Variants in RIMS1 observed in about 807,000 individuals in gnomAD.
RIMS1 encodes the protein regulating synaptic membrane exocytosis 1.
In RIMS1, 83 loss-of-function variants were observed where a neutral mutation model predicts 214.1. That is an observed-to-expected ratio of 0.39 (90% CI 0.32 to 0.47). The LOEUF (loss-of-function observed/expected upper bound fraction) is 0.47. Ranked by LOEUF, RIMS1 falls within the 20% of genes least tolerant of loss-of-function variation. The probability of loss-of-function intolerance (pLI) is 0.99; values close to 1 mark genes in which losing one functional copy is unlikely to be tolerated. For missense variants in RIMS1, 2,050 were observed against 2,161.8 expected, an observed-to-expected ratio of 0.95 and a Z score of 1.03; for synonymous variants, 793 against 786.8, an observed-to-expected ratio of 1.01 and a Z score of -0.13.
intron 23 of RIMS1, among the ~76,000 whole-genome samples, chr6:72,283,350 A>G (rs949121917): frequency 3.9e-5 from 6 of 152,154 alleles, no homozygotes; most frequent in African/African-American, 1.4e-4. Context: ...TCTGTGGGAA[A>G]AATGCATTTC....
chr6:72,093,232 A>AT (rs202036845), intron 2 of RIMS1, among the ~76,000 whole-genome samples: 2 of 136,440 alleles, frequency 1.5e-5, no homozygotes. Flanking sequence ...ATATATAAAA[A>AT]CATGTGTGTA....
At chr6:71,926,767 A>G (rs1430619369) in intron 1 of RIMS1, among the ~76,000 whole-genome samples, 1 of 152,234 alleles carries the variant, frequency 6.6e-6, no homozygotes, top group Non-Finnish European at 1.5e-5. Context: ...TGTATTAGTC[A>G]TGATGTGAAT....
At chr6:71,922,462 C>T (rs1016491561) in intron 1 of RIMS1, among the ~76,000 whole-genome samples, 1 of 152,118 alleles carries the variant, frequency 6.6e-6, no homozygotes, top group African/African-American at 2.4e-5. Flanking sequence ...ATCGATTGAG[C>T]CTTGGAGGTT....
intron 1 of RIMS1, among the ~76,000 whole-genome samples, chr6:71,900,929 T>A (rs186904780): frequency 6.6e-6 from 1 of 152,104 alleles, no homozygotes; most frequent in Non-Finnish European, 1.5e-5. Flanking sequence ...TAATGAAGTT[T>A]CACTTTTAAA....
At chr6:72,168,992 A>G (rs910009019) in intron 4 of RIMS1, among the ~76,000 whole-genome samples, 9 of 152,132 alleles carry the variant, frequency 5.9e-5, no homozygotes, top group East Asian at 3.9e-4. Context: ...ACTGGACAAG[A>G]AAGTTTTTGA....
intron 1 of RIMS1, among the ~76,000 whole-genome samples, chr6:71,963,824 CTG>C (rs1793673216): frequency 6.6e-6 from 1 of 152,086 alleles, no homozygotes; most frequent in Admixed American, 6.5e-5. Flanking sequence ...TTTTAAATCA[CTG>C]TGTTTTACCA....
At chr6:72,005,754 A>G (rs763981364) in intron 2 of RIMS1, among the ~76,000 whole-genome samples, 15 of 152,226 alleles carry the variant, frequency 9.9e-5, no homozygotes, top group South Asian at 2.1e-4. Context: ...GCTTCATACT[A>G]GAGATAAAGT....
At chr6:71,910,787 G>A (rs1322426884) in intron 1 of RIMS1, among the ~76,000 whole-genome samples, 1 of 152,080 alleles carries the variant, frequency 6.6e-6, no homozygotes, top group East Asian at 1.9e-4. Flanking sequence ...GCATGTAAAA[G>A]GTGCCCTCTG....
chr6:72,198,499 G>T (rs752198163), intron 6 of RIMS1, among the ~76,000 whole-genome samples: 23 of 151,910 alleles, frequency 1.5e-4, no homozygotes, highest in Non-Finnish European at 2.7e-4. Context: ...CATGGGGAAG[G>T]GTGTGTTGAG....
intron 28 of RIMS1, among the ~76,000 whole-genome samples, chr6:72,318,122 C>A (rs1427179894): frequency 6.6e-6 from 1 of 152,114 alleles, no homozygotes; most frequent in Non-Finnish European, 1.5e-5. Context: ...GTGTTATACT[C>A]ACATAAACAG....
rs1347576123 is a variant in RIMS1 at position 71,886,596 on chromosome 6, G to T, written c.-428G>T. The T allele has an allele frequency of 6.8e-6, 1 of 146,860 alleles. No individual in the cohort carries two copies. The highest frequency in any genetic ancestry group is 2.5e-5 in the African/African-American group (1 of 40,512). The allele number at this position is 146,860 out of a possible 1,614,324, so 9.1% of individuals were successfully genotyped here. A position where few individuals can be genotyped will look rare whatever the true frequency, so the allele number is the denominator to read the frequency against. On this transcript the variant is annotated 5_prime_UTR_variant, in exon 1 of 34. Coordinates refer to ENST00000521978, the MANE Select transcript of RIMS1 (RefSeq NM_014989.7). ...GGGAGCAGCCTCCACGGCGGCAGCG[G>T]CCGCCCCAGTCCCAGCCCCAGCCCC...
intron 6 of RIMS1, among the ~76,000 whole-genome samples, chr6:72,184,461 C>A (rs2048820224): frequency 6.6e-6 from 1 of 152,170 alleles, no homozygotes; most frequent in Non-Finnish European, 1.5e-5. Flanking sequence ...CTTAAAAATG[C>A]AGCTTTTATG....
intron 19 of RIMS1, chr6:72,261,375 T>C (rs2077927927): frequency 2.0e-6 from 2 of 986,848 alleles, no homozygotes; most frequent in African/African-American, 1.7e-5. Flanking sequence ...CACAAAGGCA[T>C]ATAACAGTAT....
At chr6:72,119,277 A>G (rs2037728182) in intron 4 of RIMS1, among the ~76,000 whole-genome samples, 1 of 151,770 alleles carries the variant, frequency 6.6e-6, no homozygotes, top group Admixed American at 6.6e-5. Context: ...AGACCTGTAC[A>G]AGGAAAGTGC....
At chr6:72,058,782 A>G (rs1827059236) in intron 2 of RIMS1, among the ~76,000 whole-genome samples, 1 of 152,218 alleles carries the variant, frequency 6.6e-6, no homozygotes, top group African/African-American at 2.4e-5. Context: ...CTTAACATGA[A>G]CATGAGAAAC....
intron 4 of RIMS1, among the ~76,000 whole-genome samples, chr6:72,164,155 T>C (rs1022292661): frequency 6.6e-6 from 1 of 152,184 alleles, no homozygotes; most frequent in African/African-American, 2.4e-5. Context: ...GTGCTAGCAA[T>C]GAGCGAGACT....
intron 2 of RIMS1, among the ~76,000 whole-genome samples, chr6:72,046,233 G>A (rs1822990098): frequency 6.6e-6 from 1 of 151,860 alleles, no homozygotes; most frequent in Non-Finnish European, 1.5e-5. Context: ...GTAACCCTCT[G>A]GTTGGTTCAG....
intron 2 of RIMS1, among the ~76,000 whole-genome samples, chr6:72,087,059 A>C (rs941277002): frequency 4.6e-5 from 7 of 152,210 alleles, no homozygotes; most frequent in African/African-American, 7.2e-5. Context: ...TCTCAGTCCA[A>C]GTTTTACGTT....
intron 1 of RIMS1, among the ~76,000 whole-genome samples, chr6:71,966,911 A>G (rs1280260487): frequency 6.6e-6 from 1 of 152,234 alleles, no homozygotes; most frequent in African/African-American, 2.4e-5. Context: ...GAAAATAGTT[A>G]CTTCAGCACA....
Sources: allele counts gnomAD v4.1 joint callset (sites outside exome capture counted in the v4.1 genomes callset), GRCh38; gene constraint gnomAD v4.1.1; transcripts MANE v1.5; gene names NCBI Gene and HGNC (gene_info 2026-07-23, HGNC 2026-07-21).